ACO2: variants seen among roughly 807,000 people sequenced by gnomAD.
ACO2 encodes aconitase 2, also known as aconitate hydratase, mitochondrial.
Under a neutral mutation model 84.5 loss-of-function variants are expected in ACO2, and 31 were observed. The ratio of observed to expected loss-of-function variants is 0.37; its 90% CI spans 0.28 to 0.50. ACO2 has a LOEUF of 0.50. ACO2 is among the 20% of genes least tolerant of loss of function. The pLI, the probability that ACO2 is intolerant of heterozygous loss-of-function variation, is 0.97. For synonymous variants in ACO2, 414 were observed against 412.7 expected (o/e 1.00, Z -0.04); for missense variants, 685 against 1,029.3 (o/e 0.67, Z 4.58).
At chr22:41,497,766 C>T (rs1406977235) in intron 1 of ACO2, among the ~76,000 whole-genome samples, 1 of 151,870 alleles carries the variant, frequency 6.6e-6, no homozygotes, top group African/African-American at 2.4e-5. Flanking sequence ...GCCTGTAGTC[C>T]CAGCTACTTG....
In ACO2 at chr22:41,523,190, C is replaced by T. The variant is rs370500848; in HGVS notation, c.1297-15C>T. The T allele has an allele frequency of 1.4e-5, 22 of 1,608,494 alleles. No individual in the cohort carries two copies. Among genetic ancestry groups the T allele is most frequent in the Non-Finnish European group, 1.8e-5 (21 of 1,176,716 alleles). On this transcript the variant is annotated splice_polypyrimidine_tract_variant and intron_variant, in intron 10 of 17. Coordinates refer to ENST00000216254, the MANE Select transcript of ACO2 (RefSeq NM_001098.3). ...CACCCACCCTTGACATTCTGTCTTC[C>T]TCTCTCCCTGGCAGGCACAGATCTT...
intron 9 of ACO2, among the ~76,000 whole-genome samples, chr22:41,520,837 G>A (rs2066519052): frequency 2.1e-5 from 3 of 142,900 alleles, no homozygotes; most frequent in Middle Eastern, 3.5e-3. Flanking sequence ...GCGAGGCTCC[G>A]TCTCAGAAAA....
chr22:41,523,299 C>G (rs374955715), intron 11 of ACO2, 21 bp downstream of exon 11: 46 of 1,582,986 alleles, frequency 2.9e-5, no homozygotes, highest in Non-Finnish European at 3.9e-5. Flanking sequence ...TATCTTTTGA[C>G]AAGACAGCCC....
In ACO2 at chr22:41,524,991, T is replaced by C. The variant is rs138384943; in HGVS notation, c.1605+23T>C. ...GGGGTGAGCGCCCACGCCCCCTGCTTGCTGGTTGCTGTGTGGCCACGTCAC... is the reference window on the plus strand; with the variant it reads ...GGGGTGAGCGCCCACGCCCCCTGCTCGCTGGTTGCTGTGTGGCCACGTCAC... On this transcript the variant is annotated intron_variant, in intron 13 of 17. Transcript: ENST00000216254. 3.7e-6 allele frequency: 6 copies of C among 1,614,090 alleles called. No homozygotes were observed. In the African/African-American group the frequency reaches 6.7e-5, roughly 18 times the overall value.
chr22:41,520,659 G>A (rs1044020643), intron 9 of ACO2, among the ~76,000 whole-genome samples: 3 of 151,972 alleles, frequency 2.0e-5, no homozygotes, highest in East Asian at 1.9e-4. Flanking sequence ...TGGCTAACAC[G>A]GTGAAACCCC....
In ACO2 at chr22:41,528,493, C is replaced by A. The variant is rs778225027; in HGVS notation, c.2223C>A (p.Ile741=). 1.6e-5 allele frequency: 26 copies of A among 1,612,322 alleles called. No homozygotes were observed. The highest frequency in any genetic ancestry group is 2.1e-5 in the Non-Finnish European group (25 of 1,180,008). ...TCTCCTTGCAGCCCCTGAAGTGCAT[C>A]ATCAAGCACCCCAACGGGACCCAGG... ...DFTPGKPLKC[I]IKHPNGTQET... The change falls in exon 18 of 18, where the codon ATC becomes ATA. Residue 741 remains isoleucine, a synonymous_variant. Coordinates refer to ENST00000216254, the MANE Select transcript of ACO2 (RefSeq NM_001098.3).
At chr22:41,528,339 C>T in intron 17 of ACO2, 140 bp from the exon 18 acceptor site, 1 of 1,253,480 alleles carries the variant, frequency 8.0e-7, no homozygotes, top group Non-Finnish European at 1.1e-6. Flanking sequence ...CCTGGGCCAT[C>T]AGGCACAGAC....
At chr22:41,525,392 C>A in intron 14 of ACO2, 44 bp downstream of exon 14, 1 of 1,603,732 alleles carries the variant, frequency 6.2e-7, no homozygotes, top group Non-Finnish European at 8.5e-7. Context: ...CCTGCCAGGG[C>A]CCCCCGTCCC....
At position 41,528,578 on chromosome 22, in the gene ACO2, A is replaced by T. The variant is rs1455684307; in HGVS notation, c.2308A>T (p.Ser770Cys). The T allele has an allele frequency of 6.2e-7, 1 of 1,612,598 alleles. No individual in the cohort carries two copies. The highest frequency in any genetic ancestry group is 8.5e-7 in the Non-Finnish European group (1 of 1,180,024). ...ETQIEWFRAG[S>C]ALNRMKELQQ is the part of the protein sequence containing the mutation. ...GCAGATTGAGTGGTTCCGCGCTGGCAGTGCCCTCAACAGAATGAAGGAACT... is the reference window on the plus strand; with the variant it reads ...GCAGATTGAGTGGTTCCGCGCTGGCTGTGCCCTCAACAGAATGAAGGAACT... The change falls in exon 18 of 18, where the codon AGT becomes TGT. Residue 770 changes from serine to cysteine, a missense_variant. By Grantham distance (112) the Ser-to-Cys change is moderately radical. Around this residue, in one of 5 missense-constraint regions of ACO2, gnomAD observed 174 missense variants for 236.6 expected, o/e 0.74. Coordinates refer to ENST00000216254, the MANE Select transcript of ACO2 (RefSeq NM_001098.3).
intron 1 of ACO2, among the ~76,000 whole-genome samples, chr22:41,482,479 A>G (rs1426186200): frequency 6.6e-6 from 1 of 152,218 alleles, no homozygotes; most frequent in Non-Finnish European, 1.5e-5. Context: ...GTGGGAGGTG[A>G]TAGTTACTCC....
intron 13 of ACO2, 32 bp downstream of exon 13, chr22:41,525,000 C>G: frequency 6.2e-7 from 1 of 1,614,078 alleles, no homozygotes; most frequent in Non-Finnish European, 8.5e-7. Context: ...TTGCTGGTTG[C>G]TGTGTGGCCA....
chr22:41,519,807 C>CAA (rs11426442), intron 8 of ACO2, among the ~76,000 whole-genome samples: 27,633 of 134,654 alleles, frequency 0.21, 6,994 homozygotes, highest in African/African-American at 0.58. Flanking sequence ...GACTCCATCT[C>CAA]AAAAAAAAAA....
At chr22:41,474,412 G>A (rs1290836139) in intron 1 of ACO2, among the ~76,000 whole-genome samples, 1 of 146,966 alleles carries the variant, frequency 6.8e-6, no homozygotes, top group African/African-American at 2.6e-5. Context: ...TCCTGCCTCA[G>A]CCTCCCGAGT....
At chr22:41,487,683 A>G (rs1394195513) in intron 1 of ACO2, among the ~76,000 whole-genome samples, 3 of 152,158 alleles carry the variant, frequency 2.0e-5, no homozygotes, top group Non-Finnish European at 2.9e-5. Context: ...GTGATAATCT[A>G]TACTTCTAGA....
Position 41,524,983 on chromosome 22 carries a change from C to T in ACO2, c.1605+15C>T, listed in dbSNP as rs958833277. On this transcript the variant is annotated intron_variant, in intron 13 of 17. Coordinates refer to ENST00000216254, the MANE Select transcript of ACO2 (RefSeq NM_001098.3). ...TTCCCAAAGGGGTGAGCGCCCACGC[C>T]CCCTGCTTGCTGGTTGCTGTGTGGC... The T allele has an allele frequency of 8.1e-6, 13 of 1,614,006 alleles. No homozygotes were observed. Among genetic ancestry groups the T allele is most frequent in the Admixed American group, 6.7e-5 (4 of 60,008 alleles).
chr22:41,491,636 G>A (rs1001884990), intron 1 of ACO2, among the ~76,000 whole-genome samples: 5 of 152,176 alleles, frequency 3.3e-5, no homozygotes, highest in African/African-American at 4.8e-5. Flanking sequence ...TCCAGAGAAC[G>A]AACACAATGT....
In ACO2 at chr22:41,516,278, G is replaced by GC. The variant is rs1316443328; in HGVS notation, c.835+362dup. ...AGGACAGAGGCAGTGGTGGGAATGGGCAGAGCCAGGGCTTCATTCATGAAG... is the reference window on the plus strand; with the variant it reads ...AGGACAGAGGCAGTGGTGGGAATGGGCCAGAGCCAGGGCTTCATTCATGAAG... On this transcript the variant is annotated intron_variant, in intron 6 of 17. Coordinates refer to ENST00000216254, the MANE Select transcript of ACO2 (RefSeq NM_001098.3). Among the ~76,000 whole-genome samples the GC allele has an allele frequency of 2.0e-5, 3 of 152,352 alleles. 1 individual carries two copies. Among genetic ancestry groups the GC allele is most frequent in the Non-Finnish European group, 1.5e-5 (1 of 68,010 alleles).
chr22:41,481,591 G>A (rs539294709), intron 1 of ACO2, among the ~76,000 whole-genome samples: 2 of 152,388 alleles, frequency 1.3e-5, no homozygotes, highest in South Asian at 4.1e-4. Context: ...GGAAGAGAGG[G>A]CAGCATGTCT....
chr22:41,497,372 T>G (rs1396832549), intron 1 of ACO2, among the ~76,000 whole-genome samples: 1 of 150,190 alleles, frequency 6.7e-6, no homozygotes, highest in Non-Finnish European at 1.5e-5. Context: ...CCCGGCCTCT[T>G]GCTGTCATTT....
Sources: allele counts gnomAD v4.1 joint callset (sites outside exome capture counted in the v4.1 genomes callset), GRCh38; gene constraint gnomAD v4.1.1; regional missense constraint gnomAD v4.1.1; transcripts MANE v1.5; gene names NCBI Gene and HGNC (gene_info 2026-07-23, HGNC 2026-07-21).